The following RANBP2 variants were observed in gnomAD, a reference collection of about 807,000 sequenced individuals.
The protein encoded by RANBP2 is RAN binding protein 2, also known as E3 SUMO-protein ligase RanBP2.
A neutral mutation model predicts 303.6 loss-of-function variants in RANBP2; 57 were observed. That is an observed-to-expected ratio of 0.19 (90% CI 0.15 to 0.23). The LOEUF (loss-of-function observed/expected upper bound fraction) is 0.23. Ranked by LOEUF, RANBP2 falls within the 10% of genes least tolerant of loss-of-function variation. The pLI, the probability that RANBP2 is intolerant of heterozygous loss-of-function variation, is 1.00. For missense variants in RANBP2, 3,138 were observed against 3,780.8 expected (o/e 0.83, Z 4.46); for synonymous variants, 1,167 against 1,301.5 (o/e 0.90, Z 2.23).
At chr2:108,897,338 A>T in the RANBP2 span, 2,020 of 1,108,594 alleles carry the variant, frequency 1.8e-3, 20 homozygotes, top group East Asian at 0.017. Context: ...AAATTTTTTT[A>T]AAATTATAAA....
the RANBP2 span, among the ~76,000 whole-genome samples, chr2:109,209,109 A>G: frequency 1.3e-5 from 2 of 152,208 alleles, no homozygotes; most frequent in Non-Finnish European, 2.9e-5. Context: ...ATGTTGCCCA[A>G]CTTTTTCTAC....
chr2:108,768,380 C>G lies in RANBP2; in HGVS notation c.7841C>G (p.Pro2614Arg), dbSNP rs1350325862. 5.0e-6 allele frequency: 8 copies of G among 1,611,268 alleles called. No individual in the cohort carries two copies. The highest frequency in any genetic ancestry group is 5.9e-6 in the Non-Finnish European group (7 of 1,179,836). ...TCAATCAACTACACATTTAAAACACCAGAAAAGGGTAAGTACTTTGTTGTT... is the reference window on the plus strand; with the variant it reads ...TCAATCAACTACACATTTAAAACACGAGAAAAGGGTAAGTACTTTGTTGTT... The part of the protein sequence containing the change: ...ESSINYTFKT[P>R]EKAKEKKKPE... The change falls in exon 20 of 29, where the codon CCA becomes CGA. Residue 2614 changes from proline (P) to arginine (R), a missense_variant. Pro to Arg is a moderately radical substitution (Grantham distance 103). Coordinates refer to ENST00000283195, the MANE Select transcript of RANBP2 (RefSeq NM_006267.5).
chr2:108,816,213 G>A, the RANBP2 span: 8 of 802,028 alleles, frequency 1.0e-5, no homozygotes, highest in South Asian at 1.9e-5. Flanking sequence ...CACTTTGGGA[G>A]TTCGAGCTGG....
chr2:109,119,345 A>T, the RANBP2 span, among the ~76,000 whole-genome samples: 1 of 152,210 alleles, frequency 6.6e-6, no homozygotes, highest in Non-Finnish European at 1.5e-5. Context: ...GAGGTTGGTT[A>T]TTCTACTTTA....
At chr2:109,328,487 C>G in the RANBP2 span, among the ~76,000 whole-genome samples, 1 of 152,164 alleles carries the variant, frequency 6.6e-6, no homozygotes, top group East Asian at 1.9e-4. Context: ...CATCTGAGGA[C>G]TTGGCTAGAT....
the RANBP2 span, among the ~76,000 whole-genome samples, chr2:109,289,646 A>T: frequency 6.6e-6 from 1 of 152,154 alleles, no homozygotes; most frequent in South Asian, 2.1e-4. Context: ...GTTGGTTTTC[A>T]TCCTATTCCA....
the RANBP2 span, among the ~76,000 whole-genome samples, chr2:109,233,562 A>G: frequency 6.6e-6 from 1 of 152,216 alleles, no homozygotes; most frequent in African/African-American, 2.4e-5. Context: ...GAAAACAGGG[A>G]TAACTGTTCT....
chr2:109,241,768 A>ATTTTT, the RANBP2 span, among the ~76,000 whole-genome samples: 1 of 143,476 alleles, frequency 7.0e-6, no homozygotes. Context: ...GTCTTGAATA[A>ATTTTT]TTTTTTTTTT....
At chr2:109,224,283 TTTGGTA>T in the RANBP2 span, among the ~76,000 whole-genome samples, 3 of 152,346 alleles carry the variant, frequency 2.0e-5, no homozygotes, top group East Asian at 5.8e-4. Flanking sequence ...ATAAGACTTG[TTTGGTA>T]TTATTAGTGA....
At chr2:109,371,495 C>A in the RANBP2 span, 2 of 1,019,816 alleles carry the variant, frequency 2.0e-6, no homozygotes, top group Non-Finnish European at 3.0e-6. Context: ...GAATCTCTTC[C>A]GAGCCTCCAC....
At chr2:109,342,746 A>G in the RANBP2 span, among the ~76,000 whole-genome samples, 8 of 152,352 alleles carry the variant, frequency 5.3e-5, no homozygotes, top group South Asian at 1.7e-3. Context: ...TTCCAGTAGA[A>G]GCCGGAGATG....
chr2:108,825,214 C>T, the RANBP2 span, among the ~76,000 whole-genome samples: 1 of 152,064 alleles, frequency 6.6e-6, no homozygotes, highest in South Asian at 2.1e-4. Flanking sequence ...TTAGGAGACA[C>T]AAAAACCAAG....
the RANBP2 span, among the ~76,000 whole-genome samples, chr2:109,588,850 T>TAAAAAA: frequency 1.8e-5 from 2 of 111,440 alleles, no homozygotes; most frequent in Non-Finnish European, 1.8e-5. Context: ...CAATTACTAT[T>TAAAAAA]AAAAAAAAAA....
At chr2:109,529,914 T>C in the RANBP2 span, among the ~76,000 whole-genome samples, 1 of 152,336 alleles carries the variant, frequency 6.6e-6, no homozygotes, top group Non-Finnish European at 1.5e-5. Flanking sequence ...CACTGCTGTT[T>C]CTAGAATGAG....
At chr2:108,822,904 G>A in the RANBP2 span, among the ~76,000 whole-genome samples, 1 of 152,054 alleles carries the variant, frequency 6.6e-6, no homozygotes. Context: ...TTGACAAACC[G>A]CTAGCTAGAT....
the RANBP2 span, among the ~76,000 whole-genome samples, chr2:109,650,216 G>T: frequency 7.2e-5 from 11 of 152,218 alleles, no homozygotes; most frequent in Admixed American, 7.2e-4. Flanking sequence ...CGGGTTTGGA[G>T]AATGGAGCCT....
At chr2:108,725,857 T>A (rs906110213) in intron 1 of RANBP2, among the ~76,000 whole-genome samples, 26 of 152,040 alleles carry the variant, frequency 1.7e-4, no homozygotes, top group Admixed American at 1.7e-3. Flanking sequence ...CTGTCGCCAG[T>A]GCTGGGATTG....
the RANBP2 span, among the ~76,000 whole-genome samples, chr2:109,624,801 C>G: frequency 6.6e-6 from 1 of 152,156 alleles, no homozygotes; most frequent in Non-Finnish European, 1.5e-5. Context: ...CAGAATCTAG[C>G]CGGGCATGGT....
chr2:109,700,737 T>G, the RANBP2 span, among the ~76,000 whole-genome samples: 1 of 152,142 alleles, frequency 6.6e-6, no homozygotes, highest in Non-Finnish European at 1.5e-5. Context: ...TGGGAGATGC[T>G]GGTAAACCTT....
Sources: allele counts gnomAD v4.1 joint callset (sites outside exome capture counted in the v4.1 genomes callset), GRCh38; gene constraint gnomAD v4.1.1; transcripts MANE v1.5; gene names NCBI Gene and HGNC (gene_info 2026-07-23, HGNC 2026-07-21).